ZNF385C: variants seen among roughly 807,000 people sequenced by gnomAD.
ZNF385C encodes the protein CTD-2132N18.2.
ZNF385C carries 28 observed loss-of-function variants against 35.4 expected under a neutral mutation model. That is an observed-to-expected ratio of 0.79 (90% CI 0.59 to 1.08). The LOEUF is 1.08. Among genes scored for constraint, ZNF385C ranks in the 50% least tolerant of loss-of-function variants. The probability of loss-of-function intolerance (pLI) is 0.00; values close to 1 mark genes in which losing one functional copy is unlikely to be tolerated. For synonymous variants in ZNF385C, 248 were observed against 248.2 expected (o/e 1.00, Z 0.01); for missense variants, 605 against 595.6 (o/e 1.02, Z -0.16).
intron 1 of ZNF385C, among the ~76,000 whole-genome samples, chr17:42,074,143 G>A (rs910785772): frequency 6.6e-5 from 10 of 152,144 alleles, no homozygotes; most frequent in Non-Finnish European, 7.3e-5. Context: ...CCCTCTTAGG[G>A]TATCTCTCAG....
At chr17:42,074,142 G>A (rs550631469) in intron 1 of ZNF385C, among the ~76,000 whole-genome samples, 164 of 152,232 alleles carry the variant, frequency 1.1e-3, no homozygotes, top group Non-Finnish European at 2.1e-3. Flanking sequence ...ACCCTCTTAG[G>A]GTATCTCTCA....
At chr17:42,028,009 T>G in intron 7 of ZNF385C, 41 bp downstream of exon 7, 35 of 699,270 alleles carry the variant, frequency 5.0e-5, no homozygotes, top group Non-Finnish European at 7.1e-5. Context: ...CCCAACCCCC[T>G]CCCCTGGCTC....
chr17:42,030,176 T>C (rs2052695459), intron 5 of ZNF385C, among the ~76,000 whole-genome samples: 1 of 151,932 alleles, frequency 6.6e-6, no homozygotes, highest in Non-Finnish European at 1.5e-5. Context: ...TGTTGATGAA[T>C]GTTTGTGAGA....
chr17:42,051,717 C>T (rs1168805625), intron 2 of ZNF385C, among the ~76,000 whole-genome samples: 7 of 152,136 alleles, frequency 4.6e-5, no homozygotes, highest in African/African-American at 1.7e-4. Flanking sequence ...CTTCCAGTCC[C>T]CTCACAATTG....
chr17:42,077,721 G>A (rs1042957112), intron 1 of ZNF385C, among the ~76,000 whole-genome samples: 2 of 152,182 alleles, frequency 1.3e-5, no homozygotes, highest in African/African-American at 2.4e-5. Flanking sequence ...GGGCTAGGAC[G>A]GGTGGCGTCA....
chr17:42,045,314 G>C (rs1457261328), intron 2 of ZNF385C, among the ~76,000 whole-genome samples: 2 of 152,244 alleles, frequency 1.3e-5, no homozygotes, highest in Non-Finnish European at 2.9e-5. Flanking sequence ...GCCTCCCAAA[G>C]TGCTGGGATT....
rs2053903992 is a variant in ZNF385C at position 42,095,120 on chromosome 17, C to A, written c.-3+3290G>T. 6.6e-6 allele frequency among the ~76,000 whole-genome samples: 1 copy of A among 151,966 alleles called. No individual in the cohort carries two copies. Among genetic ancestry groups the A allele is most frequent in the Non-Finnish European group, 1.5e-5 (1 of 67,964 alleles). On this transcript the variant is annotated intron_variant, in intron 1 of 8. Transcript: ENST00000692273. This position sits in a 1 kb window ranked among gnomAD's most constrained non-coding sequence, Gnocchi z 4.4. ...TGTGTGGATCCAGTTCCATTAAGAG[C>A]CTCACGATGCTAATGAGGCCAACGT...
At chr17:42,045,253 G>A (rs9895666) in intron 2 of ZNF385C, among the ~76,000 whole-genome samples, 2,191 of 151,918 alleles carry the variant, frequency 0.014, 41 homozygotes, top group African/African-American at 0.05. Context: ...GGGTTTCACC[G>A]TGTTAGCCAG....
chr17:42,073,316 C>T (rs953562056), intron 1 of ZNF385C, among the ~76,000 whole-genome samples: 1 of 152,064 alleles, frequency 6.6e-6, no homozygotes, highest in African/African-American at 2.4e-5. Flanking sequence ...CGCCTGTAAT[C>T]CCAGCTACTC....
intron 1 of ZNF385C, among the ~76,000 whole-genome samples, chr17:42,091,824 A>G (rs1057127829): frequency 5.3e-5 from 8 of 152,226 alleles, no homozygotes; most frequent in Non-Finnish European, 1.0e-4. Flanking sequence ...TAAGGTCACA[A>G]GAATGCTACC....
chr17:42,076,877 G>A (rs1244323692), intron 1 of ZNF385C, among the ~76,000 whole-genome samples: 1 of 152,140 alleles, frequency 6.6e-6, no homozygotes, highest in Non-Finnish European at 1.5e-5. Flanking sequence ...TGGAGAGCTG[G>A]GGGTGTGAGG....
chr17:42,067,553 C>T (rs1364632067), intron 1 of ZNF385C, among the ~76,000 whole-genome samples: 1 of 152,170 alleles, frequency 6.6e-6, no homozygotes, highest in Non-Finnish European at 1.5e-5. Context: ...ACTCAAGGGG[C>T]AATGCAGCTG....
chr17:42,035,494 T>C (rs1404581812), intron 3 of ZNF385C, among the ~76,000 whole-genome samples: 4 of 150,714 alleles, frequency 2.7e-5, no homozygotes, highest in African/African-American at 9.7e-5. Flanking sequence ...AGATAAGTCC[T>C]ATCTCATCAG....
At chr17:42,072,212 C>T (rs2053634731) in intron 1 of ZNF385C, among the ~76,000 whole-genome samples, 1 of 152,046 alleles carries the variant, frequency 6.6e-6, no homozygotes, top group Admixed American at 6.6e-5. Flanking sequence ...TAAGAAAAGA[C>T]GGTGGGTTAT....
chr17:42,078,782 G>A (rs1555659487), intron 1 of ZNF385C, among the ~76,000 whole-genome samples: 27 of 152,064 alleles, frequency 1.8e-4, no homozygotes, highest in Non-Finnish European at 4.4e-5. Context: ...TCAGGGTTGT[G>A]GTAAGATGGA....
intron 1 of ZNF385C, among the ~76,000 whole-genome samples, chr17:42,083,821 C>T (rs924811239): frequency 2.1e-5 from 3 of 141,236 alleles, no homozygotes; most frequent in East Asian, 2.2e-4. Context: ...CAGGTTCAAG[C>T]GATTCTCCTG....
chr17:42,088,937 C>T (rs1567997819), intron 1 of ZNF385C, among the ~76,000 whole-genome samples: 3 of 152,042 alleles, frequency 2.0e-5, no homozygotes, highest in African/African-American at 4.8e-5. Flanking sequence ...GCGATCCTCC[C>T]GCCTTGGCCT....
At position 42,050,691 on chromosome 17, in the gene ZNF385C, G is replaced by A. The variant is rs1278357696; in HGVS notation, c.250+12116C>T. On this transcript the variant is annotated intron_variant, in intron 2 of 8. Coordinates refer to ENST00000692273, the MANE Select transcript of ZNF385C (RefSeq NM_001392013.1). This position sits in a 1 kb window ranked among gnomAD's most constrained non-coding sequence, Gnocchi z 5.6. ...CAGCCAGCGCCGGCCAGGGTCCCGG[G>A]CAGGGCGGGCGGCGCCCCCGGGGCT... 2.0e-5 allele frequency: 3 copies of A among 151,002 alleles called. No individual in the cohort carries two copies. Among genetic ancestry groups the A allele is most frequent in the African/African-American group, 7.3e-5 (3 of 41,306 alleles). The allele number at this position is 151,002 out of a possible 1,614,324, so 9.4% of individuals were successfully genotyped here.
chr17:42,041,306 G>C, intron 2 of ZNF385C: 1 of 909,274 alleles, frequency 1.1e-6, no homozygotes, highest in Non-Finnish European at 1.4e-6. Context: ...GACAGACTTA[G>C]GGACTAATCC....
Sources: allele counts gnomAD v4.1 joint callset (sites outside exome capture counted in the v4.1 genomes callset), GRCh38; gene constraint gnomAD v4.1.1; non-coding constraint Gnocchi (gnomAD v3.1); transcripts MANE v1.5; gene names NCBI Gene and HGNC (gene_info 2026-07-23, HGNC 2026-07-21).